Variants in HSPA12A observed in about 807,000 individuals in gnomAD.
HSPA12A encodes heat shock protein family A (Hsp70) member 12A, also known as heat shock 70 kDa protein 12A.
A neutral mutation model predicts 69.2 loss-of-function variants in HSPA12A; 28 were observed. That is an observed-to-expected ratio of 0.40 (90% CI 0.30 to 0.55). The LOEUF (loss-of-function observed/expected upper bound fraction) is 0.55, where lower values mean the gene tolerates loss of function less well. Among genes scored for constraint, HSPA12A ranks in the 20% least tolerant of loss-of-function variants. The pLI, the probability that HSPA12A is intolerant of heterozygous loss-of-function variation, is 0.38. For synonymous variants in HSPA12A, 345 were observed against 370.5 expected (o/e 0.93, Z 0.79); for missense variants, 686 against 900.7 (o/e 0.76, Z 3.05).
At chr10:116,680,801 TG>T (rs1288922254) in intron 9 of HSPA12A, among the ~76,000 whole-genome samples, 1 of 152,208 alleles carries the variant, frequency 6.6e-6, no homozygotes, top group Non-Finnish European at 1.5e-5. Flanking sequence ...TTGGCAATCT[TG>T]ATCCAAGACA....
chr10:116,812,496 G>A (rs1845212258), intron 2 of HSPA12A, among the ~76,000 whole-genome samples: 1 of 151,548 alleles, frequency 6.6e-6, no homozygotes, highest in Non-Finnish European at 1.5e-5. Context: ...ATAAAATCAG[G>A]GAACCCCCAC....
intron 1 of HSPA12A, among the ~76,000 whole-genome samples, chr10:116,848,012 T>C (rs1199623138): frequency 2.0e-5 from 3 of 152,082 alleles, no homozygotes; most frequent in Admixed American, 2.0e-4. Context: ...AGGATGAACA[T>C]AGGAGAGAAG....
At chr10:116,848,993 A>T (rs1845964994) in intron 1 of HSPA12A, among the ~76,000 whole-genome samples, 1 of 152,232 alleles carries the variant, frequency 6.6e-6, no homozygotes, top group Non-Finnish European at 1.5e-5. Flanking sequence ...GTTAATAAAC[A>T]TGAGCCGAAT....
intron 2 of HSPA12A, among the ~76,000 whole-genome samples, chr10:116,823,879 AT>A (rs1458560151): frequency 6.6e-6 from 1 of 152,208 alleles, no homozygotes; most frequent in Non-Finnish European, 1.5e-5. Flanking sequence ...CCAAAACCAC[AT>A]GCAACAAGAA....
chr10:116,808,871 A>G (rs1223476091), intron 2 of HSPA12A, among the ~76,000 whole-genome samples: 1 of 152,112 alleles, frequency 6.6e-6, no homozygotes, highest in Non-Finnish European at 1.5e-5. Context: ...AGACTTTCCT[A>G]CAGTAGGCTA....
intron 1 of HSPA12A, among the ~76,000 whole-genome samples, chr10:116,716,466 G>T (rs562086923): frequency 9.2e-5 from 14 of 151,428 alleles, no homozygotes; most frequent in African/African-American, 3.2e-4. Context: ...GGTGGGGGGT[G>T]TGTATGTGTG....
intron 1 of HSPA12A, among the ~76,000 whole-genome samples, chr10:116,712,657 A>G (rs782712105): frequency 4.6e-5 from 7 of 152,270 alleles, no homozygotes; most frequent in East Asian, 1.9e-4. Context: ...GCCATAATTC[A>G]TGAACTTGCT....
rs73387514 is a variant in HSPA12A, at chr10:116,835,707, T to C, written c.4-685A>G. Among the ~76,000 whole-genome samples, 520 of 152,328 alleles carry C rather than the reference T, an allele frequency of 3.4e-3. 2 individuals are homozygous for C. Among genetic ancestry groups the C allele is most frequent in the African/African-American group, 0.012 (492 of 41,556 alleles). On this transcript the variant is annotated intron_variant, in intron 1 of 12. Transcript: ENST00000635765. ...CCCACGAACACTGGTGGGTACACAG[T>C]AGATGCACAATACATGTTTACTAGT...
rs539582754 is a variant in HSPA12A, at chr10:116,704,582, C to T, written c.254+569G>A. 7.8e-4 allele frequency among the ~76,000 whole-genome samples: 118 copies of T among 152,082 alleles called. 1 individual carries two copies. The highest frequency in any genetic ancestry group is 2.7e-3 in the African/African-American group (114 of 41,472). On this transcript the variant is annotated intron_variant, in intron 3 of 11. Coordinates refer to ENST00000369209, the MANE Select transcript of HSPA12A (RefSeq NM_025015.3). ...ATATGTAACAAACCTGCACGTTGTG[C>T]ACATGTACCCTAAAACTTAAAGTAT...
intron 2 of HSPA12A, among the ~76,000 whole-genome samples, 158 bp downstream of exon 2, chr10:116,707,042 T>C (rs1342249641): frequency 1.3e-5 from 2 of 152,160 alleles, no homozygotes; most frequent in African/African-American, 2.4e-5. Flanking sequence ...CCAGGTCAAC[T>C]TAATCTCCAA....
At chr10:116,839,930 T>C (rs1486217157) in intron 1 of HSPA12A, among the ~76,000 whole-genome samples, 2 of 152,046 alleles carry the variant, frequency 1.3e-5, no homozygotes, top group Non-Finnish European at 2.9e-5. Flanking sequence ...TTCTTTAGTA[T>C]TGGGGCTTGA....
Position 116,675,312 on chromosome 10 carries a change from C to G in HSPA12A, c.1497G>C (p.Gly499=), listed in dbSNP as rs782172671. 15 of 1,613,314 alleles carry G rather than the reference C, an allele frequency of 9.3e-6. 1 individual carries two copies. The East Asian group carries it at 2.5e-4, about 26-fold the overall frequency. ...LLQQAVQAAF[G]DQCRIIIPQD... The stretch of plus-strand genomic sequence containing the variant: ...GGGGGATGATGATCCGGCACTGGTC[C>G]CCAAAAGCAGCCTGCACCGCCTGCT... Residue 499 remains glycine, a synonymous_variant, in exon 12 of 12, where the codon GGG becomes GGC. Coordinates refer to ENST00000369209, the MANE Select transcript of HSPA12A (RefSeq NM_025015.3). This position sits in a 1 kb window ranked among gnomAD's most constrained non-coding sequence, Gnocchi z 5.2.
chr10:116,830,041 A>G (rs1275131339), intron 2 of HSPA12A: 1 of 152,214 alleles, frequency 6.6e-6, no homozygotes, highest in African/African-American at 2.4e-5. Context: ...CTCAGCCTCC[A>G]CAGACTGAAT....
At chr10:116,790,367 T>C (rs919441965) in intron 2 of HSPA12A, among the ~76,000 whole-genome samples, 1 of 152,042 alleles carries the variant, frequency 6.6e-6, no homozygotes, top group Non-Finnish European at 1.5e-5. Context: ...CCTCCCAAAG[T>C]GCTGGGATTA....
intron 6 of HSPA12A, among the ~76,000 whole-genome samples, chr10:116,687,413 G>C (rs1165188107): frequency 1.3e-5 from 2 of 152,268 alleles, no homozygotes; most frequent in South Asian, 2.1e-4. Flanking sequence ...CTCCTGTCCA[G>C]TGAGGGGCCG....
rs542084923 is a variant in HSPA12A at position 116,704,957 on chromosome 10, C to T, written c.254+194G>A. 1.2e-4 allele frequency among the ~76,000 whole-genome samples: 18 copies of T among 152,320 alleles called. 1 individual carries two copies. The highest frequency in any genetic ancestry group is 9.8e-4 in the Admixed American group (15 of 15,300). On this transcript the variant is annotated intron_variant, in intron 3 of 11. Transcript: ENST00000369209. Reference sequence around the variant, plus strand: ...ACCAACTAAATCAGAATCAAACCAACGTCTTTTCAAACCAGGAGCCTAGAG... The same window carrying T: ...ACCAACTAAATCAGAATCAAACCAATGTCTTTTCAAACCAGGAGCCTAGAG...
intron 1 of HSPA12A, among the ~76,000 whole-genome samples, chr10:116,732,716 T>A (rs921081516): frequency 6.6e-5 from 10 of 152,254 alleles, no homozygotes; most frequent in Non-Finnish European, 1.3e-4. Flanking sequence ...AATACTTTTT[T>A]AAAATGTAAC....
chr10:116,835,306 T>C (rs1845689951), intron 1 of HSPA12A: 1 of 178,260 alleles, frequency 5.6e-6, no homozygotes, highest in Non-Finnish European at 1.2e-5. Flanking sequence ...AAAAAATAGA[T>C]GGAAAATTAC....
chr10:116,791,622 A>T (rs1213288680), intron 2 of HSPA12A, among the ~76,000 whole-genome samples: 1 of 152,184 alleles, frequency 6.6e-6, no homozygotes, highest in Non-Finnish European at 1.5e-5. Flanking sequence ...CTACCTTATT[A>T]CTAATTAGTA....
Sources: gnomAD v4.1 joint callset for allele counts (sites outside exome capture counted in the v4.1 genomes callset) on GRCh38, gnomAD v4.1.1 for gene constraint, Gnocchi (gnomAD v3.1) non-coding constraint, MANE v1.5 for transcripts, NCBI Gene and HGNC (gene_info 2026-07-23, HGNC 2026-07-21) for gene names.